EFNA5: variants seen among roughly 807,000 people sequenced by gnomAD.
The protein encoded by EFNA5 is ephrin A5, also known as ephrin-A5.
A neutral mutation model predicts 22.9 loss-of-function variants in EFNA5; 5 were observed. That is an observed-to-expected ratio of 0.22 (90% CI 0.11 to 0.46). The LOEUF (loss-of-function observed/expected upper bound fraction) is 0.46, where lower values mean the gene tolerates loss of function less well. EFNA5 is among the 20% of genes least tolerant of loss of function. The pLI, the probability that EFNA5 is intolerant of heterozygous loss-of-function variation, is 0.99. For missense variants in EFNA5, 237 were observed against 293.3 expected, an observed-to-expected ratio of 0.81 and a Z score of 1.40; for synonymous variants, 113 against 112.2, an observed-to-expected ratio of 1.01 and a Z score of -0.04.
rs1200419876 is a variant in EFNA5 at position 107,381,324 on chromosome 5, T to C, written c.618A>G (p.Gln206=). 2 of 1,613,952 alleles carry C rather than the reference T, an allele frequency of 1.2e-6. No individual in the cohort carries two copies. Among genetic ancestry groups the C allele is most frequent in the East Asian group, 2.2e-5 (1 of 44,864 alleles). The change falls in exon 5 of 5, where the codon CAA becomes CAG. Residue 206 remains glutamine, a synonymous_variant. Coordinates refer to ENST00000333274, the MANE Select transcript of EFNA5 (RefSeq NM_001962.3). ...AAAGGCGGCTGGGTATCCTTGGTGT[T>C]TGTGCCGCGTTCTCGCCGCGGGATG... The part of the protein sequence containing the change: ...AEPSRGENAA[Q]TPRIPSRLLA...
intron 2 of EFNA5, among the ~76,000 whole-genome samples, chr5:107,390,145 A>C (rs1255344052): frequency 6.6e-6 from 1 of 152,216 alleles, no homozygotes; most frequent in Non-Finnish European, 1.5e-5. Flanking sequence ...TGGGTTTCTT[A>C]TTTAACACCT....
chr5:107,545,763 T>C (rs1748133058), intron 1 of EFNA5, among the ~76,000 whole-genome samples: 1 of 152,178 alleles, frequency 6.6e-6, no homozygotes, highest in South Asian at 2.1e-4. Flanking sequence ...GATGGCTCTG[T>C]AATCAACTCG....
intron 1 of EFNA5, among the ~76,000 whole-genome samples, chr5:107,664,636 A>T (rs924655766): frequency 6.6e-6 from 1 of 152,144 alleles, no homozygotes; most frequent in Non-Finnish European, 1.5e-5. Context: ...CTCTTTGAGG[A>T]TTTTATACCT....
intron 1 of EFNA5, among the ~76,000 whole-genome samples, chr5:107,649,763 T>C (rs1750693212): frequency 6.6e-6 from 1 of 152,222 alleles, no homozygotes; most frequent in African/African-American, 2.4e-5. Context: ...CTAAAATTTA[T>C]TGACCACATA....
chr5:107,471,871 G>C (rs1024793405), intron 1 of EFNA5, among the ~76,000 whole-genome samples: 1 of 152,204 alleles, frequency 6.6e-6, no homozygotes, highest in Non-Finnish European at 1.5e-5. Flanking sequence ...AATAAAGACA[G>C]TGATATTACA....
intron 1 of EFNA5, among the ~76,000 whole-genome samples, chr5:107,587,682 A>G (rs1369618845): frequency 1.3e-5 from 2 of 152,074 alleles, no homozygotes; most frequent in Non-Finnish European, 2.9e-5. Flanking sequence ...ACGCCCAGCT[A>G]ATTTTTTTGT....
At chr5:107,513,801 G>A (rs1747423252) in intron 1 of EFNA5, among the ~76,000 whole-genome samples, 1 of 152,168 alleles carries the variant, frequency 6.6e-6, no homozygotes, top group Admixed American at 6.5e-5. Flanking sequence ...CAAGAACTCA[G>A]AGGGAGGGAC....
At chr5:107,562,358 A>ATC (rs530421845) in intron 1 of EFNA5, among the ~76,000 whole-genome samples, 54 of 150,776 alleles carry the variant, frequency 3.6e-4, no homozygotes, top group Admixed American at 1.1e-3. Flanking sequence ...CTCTCTCTCC[A>ATC]TCTCTCTCTC....
chr5:107,561,326 G>A (rs1194772673), intron 1 of EFNA5, among the ~76,000 whole-genome samples: 2 of 152,162 alleles, frequency 1.3e-5, no homozygotes, highest in Non-Finnish European at 2.9e-5. Flanking sequence ...TGTGTTAAGA[G>A]CCATGTGACA....
chr5:107,512,364 A>AAACAAC (rs138250906), intron 1 of EFNA5, among the ~76,000 whole-genome samples: 3 of 149,376 alleles, frequency 2.0e-5, no homozygotes, highest in Non-Finnish European at 2.9e-5. Context: ...AAAACAAACA[A>AAACAAC]AACAACAACA....
chr5:107,502,081 C>T (rs1319126000), intron 1 of EFNA5, among the ~76,000 whole-genome samples: 1 of 152,188 alleles, frequency 6.6e-6, no homozygotes, highest in Non-Finnish European at 1.5e-5. Flanking sequence ...CAACCTGCGG[C>T]TGTTAGCAAT....
intron 1 of EFNA5, among the ~76,000 whole-genome samples, chr5:107,589,992 C>A (rs1195202069): frequency 1.3e-5 from 2 of 152,196 alleles, no homozygotes; most frequent in Non-Finnish European, 2.9e-5. Context: ...TATGTAAACA[C>A]ATGGACCGCA....
chr5:107,562,113 A>T (rs994923218), intron 1 of EFNA5, among the ~76,000 whole-genome samples: 1 of 152,152 alleles, frequency 6.6e-6, no homozygotes, highest in Non-Finnish European at 1.5e-5. Context: ...ACCCAACTAT[A>T]TTCATTCATC....
chr5:107,523,131 C>T (rs983780324), intron 1 of EFNA5, among the ~76,000 whole-genome samples: 1 of 152,168 alleles, frequency 6.6e-6, no homozygotes, highest in East Asian at 1.9e-4. Flanking sequence ...CCAATCTTCA[C>T]ACAGACCAGA....
chr5:107,569,559 T>TTATATATATATA (rs70996962), intron 1 of EFNA5, among the ~76,000 whole-genome samples: 701 of 42,152 alleles, frequency 0.017, 23 homozygotes, highest in Non-Finnish European at 0.023. Flanking sequence ...ATATATATAT[T>TTATATATATATA]TATATATATA....
chr5:107,553,495 C>T (rs1748343282), intron 1 of EFNA5, among the ~76,000 whole-genome samples: 1 of 152,196 alleles, frequency 6.6e-6, no homozygotes, highest in Non-Finnish European at 1.5e-5. Flanking sequence ...GATTTTATAT[C>T]CCTAAAGGGG....
At chr5:107,420,544 A>G (rs1222036004) in intron 2 of EFNA5, among the ~76,000 whole-genome samples, 1 of 105,888 alleles carries the variant, frequency 9.4e-6, no homozygotes, top group East Asian at 4.0e-4. Context: ...AAAAAAAGAA[A>G]AAAAAAAAAG....
chr5:107,479,447 T>C (rs1750393418), intron 1 of EFNA5, among the ~76,000 whole-genome samples: 1 of 149,784 alleles, frequency 6.7e-6, no homozygotes, highest in South Asian at 2.1e-4. Context: ...CCTCAATAAA[T>C]GAAAACACAT....
intron 1 of EFNA5, among the ~76,000 whole-genome samples, chr5:107,582,679 G>T (rs1167550179): frequency 2.0e-5 from 3 of 150,804 alleles, no homozygotes; most frequent in Non-Finnish European, 4.4e-5. Flanking sequence ...TTTTCATCAA[G>T]CCCCAAAAGT....
Sources: allele counts gnomAD v4.1 joint callset (sites outside exome capture counted in the v4.1 genomes callset), GRCh38; gene constraint gnomAD v4.1.1; transcripts MANE v1.5; gene names NCBI Gene and HGNC (gene_info 2026-07-23, HGNC 2026-07-21).